Variants in CLCN4 observed in about 807,000 individuals in gnomAD.
The protein encoded by CLCN4 is Cl-/H+ antiporter 4, also known as H(+)/Cl(-) exchange transporter 4.
CLCN4 carries 1 observed loss-of-function variant against 41.7 expected under a neutral mutation model. The ratio of observed to expected loss-of-function variants is 0.02; its 90% CI spans 0.01 to 0.11. The LOEUF (loss-of-function observed/expected upper bound fraction) is 0.11, where lower values mean the gene tolerates loss of function less well. CLCN4 is among the 10% of genes least tolerant of loss of function. The probability of loss-of-function intolerance (pLI) is 1.00; values close to 1 mark genes in which losing one functional copy is unlikely to be tolerated. For synonymous variants in CLCN4, 277 were observed against 285.8 expected (o/e 0.97, Z 0.31); for missense variants, 287 against 661.0 (o/e 0.43, Z 6.20).
chrX:10,223,337 C>T lies in CLCN4; in HGVS notation c.2192+2460C>T, dbSNP rs995107875. On this transcript the variant is annotated intron_variant, in intron 12 of 12. Coordinates refer to ENST00000380833, the MANE Select transcript of CLCN4 (RefSeq NM_001830.4). ...GGCAGGAAACTCTGCCCTTAATGCC[C>T]GCTCACACCTCATAGAGCCCCATGA... 3.6e-4 allele frequency among the ~76,000 whole-genome samples: 40 copies of T among 111,979 alleles called. No individual in the cohort carries two copies. In the South Asian group the frequency reaches 4.9e-3, roughly 14 times the overall value.
chrX:10,181,354 G>GA (rs202148126), intron 2 of CLCN4, among the ~76,000 whole-genome samples: 14 of 82,923 alleles, frequency 1.7e-4, no homozygotes, highest in South Asian at 1.2e-3. Context: ...GTGAGACCCT[G>GA]AAAAAAAAAA....
intron 11 of CLCN4, among the ~76,000 whole-genome samples, 193 bp from the exon 12 acceptor site, chrX:10,220,468 C>T (rs1450536543): frequency 9.0e-6 from 1 of 111,692 alleles, no homozygotes; most frequent in Non-Finnish European, 1.9e-5. Flanking sequence ...AGCAGGGGAC[C>T]CTCACACAGC....
intron 11 of CLCN4, among the ~76,000 whole-genome samples, chrX:10,216,688 C>T (rs981350202): frequency 9.3e-6 from 1 of 107,065 alleles, no homozygotes; most frequent in Non-Finnish European, 1.9e-5. Context: ...ATTACTTTTG[C>T]ACCAACCTAA....
chrX:10,199,958 G>A (rs1314755288), intron 6 of CLCN4, among the ~76,000 whole-genome samples: 5 of 110,959 alleles, frequency 4.5e-5, no homozygotes, highest in African/African-American at 6.6e-5. Flanking sequence ...AAGTAGAGAC[G>A]GGGTTTCACC....
chrX:10,182,646 G>T (rs1483341932), intron 2 of CLCN4, among the ~76,000 whole-genome samples: 1 of 112,258 alleles, frequency 8.9e-6, no homozygotes, highest in African/African-American at 3.2e-5. Context: ...AGCTGGTCTT[G>T]AACTCCTGAC....
chrX:10,183,507 G>A (rs16985973), intron 2 of CLCN4, among the ~76,000 whole-genome samples: 171 of 112,416 alleles, frequency 1.5e-3, no homozygotes, highest in African/African-American at 5.2e-3. Context: ...CACTTTTGTG[G>A]TCCTCATCCT....
chrX:10,214,229 C>T (rs1221083247), intron 11 of CLCN4, 150 bp downstream of exon 11: 2 of 569,962 alleles, frequency 3.5e-6, no homozygotes, highest in East Asian at 7.8e-5. Flanking sequence ...GGGTCTGGCT[C>T]AAAAGCAGAT....
chrX:10,235,992 T>C lies in CLCN4; in HGVS notation c.*2408T>C, dbSNP rs1051835885. 1 of 112,700 alleles carries C rather than the reference T, an allele frequency of 8.9e-6. No homozygotes were observed. 9.3% of individuals were successfully genotyped at this position (112,700 alleles called of 1,213,427 possible). A position where few individuals can be genotyped will look rare whatever the true frequency, so the allele number is the denominator to read the frequency against. The stretch of plus-strand genomic sequence containing the variant: ...TCCTGGGCTTTAAATCCAAAAAGTC[T>C]TAATGACCGCTTCATGTAGTTCCCC... On this transcript the variant is annotated 3_prime_UTR_variant, in exon 13 of 13. Coordinates refer to ENST00000380833, the MANE Select transcript of CLCN4 (RefSeq NM_001830.4).
chrX:10,172,256 C>A (rs754707016), intron 2 of CLCN4, among the ~76,000 whole-genome samples: 1 of 112,099 alleles, frequency 8.9e-6, no homozygotes, highest in Non-Finnish European at 1.9e-5. Context: ...CCTTTTCCCT[C>A]GGGAGTCAGT....
intron 2 of CLCN4, among the ~76,000 whole-genome samples, chrX:10,180,410 A>T (rs1464028776): frequency 9.0e-6 from 1 of 111,321 alleles, no homozygotes; most frequent in African/African-American, 3.3e-5. Context: ...AAGGTGATAC[A>T]GCTTCTGCCG....
intron 12 of CLCN4, among the ~76,000 whole-genome samples, chrX:10,228,741 G>T (rs1925050628): frequency 8.9e-6 from 1 of 111,870 alleles, no homozygotes; most frequent in Non-Finnish European, 1.9e-5. Flanking sequence ...GTTATGAATT[G>T]TGGGGAGTTC....
chrX:10,169,893 A>G (rs1199157592), intron 2 of CLCN4, among the ~76,000 whole-genome samples: 3 of 105,882 alleles, frequency 2.8e-5, no homozygotes. Context: ...GATTCAAGCG[A>G]TTCTCCTGCC....
chrX:10,185,415 G>A (rs1419167058), intron 3 of CLCN4, among the ~76,000 whole-genome samples: 1 of 111,432 alleles, frequency 9.0e-6, no homozygotes, highest in Non-Finnish European at 1.9e-5. Flanking sequence ...GGACTTTGCA[G>A]GTGCCATTTC....
chrX:10,206,906 G>GTTTTGT lies in CLCN4; in HGVS notation c.843+153_843+158dup, dbSNP rs61318398. ...CCACAATTTCCACTGTTTTTTTTTT[G>GTTTTGT]TTTTGTTTTTGTTTTTGTTTTTGTT... On this transcript the variant is annotated intron_variant, in intron 8 of 12. Transcript: ENST00000380833. 0.28 allele frequency: 120,213 copies of GTTTTGT among 435,458 alleles called. 15,798 individuals carry two copies. Among genetic ancestry groups the GTTTTGT allele is most frequent in the East Asian group, 0.68 (16,294 of 23,824 alleles). The allele number at this position is 435,458 out of a possible 1,213,427, so 35.9% of individuals were successfully genotyped here.
chrX:10,216,916 T>TACACACAC lies in CLCN4; in HGVS notation c.1975+2838_1975+2839insCACACACA, dbSNP rs769661442. Among the ~76,000 whole-genome samples, 261 of 20,413 alleles carry TACACACAC rather than the reference T, an allele frequency of 0.013. 1 individual carries two copies. In the East Asian group the frequency reaches 0.29, roughly 22 times the overall value. 17.7% of individuals were successfully genotyped at this position (20,413 alleles called of 115,157 possible). A position where few individuals can be genotyped will look rare whatever the true frequency, so the allele number is the denominator to read the frequency against. On this transcript the variant is annotated intron_variant, in intron 11 of 12. Transcript: ENST00000380833. ...GTGTGTGTATATATATATATATATA[T>TACACACAC]ATACACACACACACATAGAGGGACT...
intron 9 of CLCN4, among the ~76,000 whole-genome samples, chrX:10,208,947 T>C (rs745505382): frequency 9.0e-6 from 1 of 111,682 alleles, no homozygotes; most frequent in Non-Finnish European, 1.9e-5. Context: ...GGCCAGGTGA[T>C]GCCAGGTGGT....
rs757413089 is a variant in CLCN4, at chrX:10,204,428, G to A, written c.556-1930G>A. 3.6e-5 allele frequency among the ~76,000 whole-genome samples: 4 copies of A among 111,158 alleles called. No homozygotes were observed. In the South Asian group the frequency reaches 1.5e-3, roughly 42 times the overall value. Reference sequence around the variant, plus strand: ...TTGAGCGTCTTCTTCATTTTCTACTGTTGTATTAAGAATATTTTCAAACAT... The same window carrying A: ...TTGAGCGTCTTCTTCATTTTCTACTATTGTATTAAGAATATTTTCAAACAT... On this transcript the variant is annotated intron_variant, in intron 6 of 12. Coordinates refer to ENST00000380833, the MANE Select transcript of CLCN4 (RefSeq NM_001830.4).
chrX:10,215,939 G>C (rs964485278), intron 11 of CLCN4, among the ~76,000 whole-genome samples: 4 of 112,181 alleles, frequency 3.6e-5, no homozygotes, highest in Non-Finnish European at 5.6e-5. Context: ...TTGTGCAGAG[G>C]GAAGGAGTGT....
In CLCN4 at chrX:10,185,081, C is replaced by T. The variant is rs1296149497; in HGVS notation, c.49C>T (p.Leu17Phe). The T allele has an allele frequency of 4.1e-6, 5 of 1,209,314 alleles. No homozygotes were observed. The South Asian group carries it at 8.8e-5, about 21-fold the overall frequency. ...MSGSGNLMDFLDEPFPDVGTY... is the reference protein window; with the variant it reads ...MSGSGNLMDFFDEPFPDVGTY... ...TGGCTCTGGAAACCTGATGGATTTC[C>T]TCGATGAGCCGTTCCCTGATGTGGG... The change falls in exon 3 of 13, where the codon CTC (leucine) becomes TTC (phenylalanine). Residue 17 changes from leucine to phenylalanine, a missense_variant. By Grantham distance (22) the Leu-to-Phe change is conservative (BLOSUM62 0). This residue lies in a region of CLCN4 where 90 missense variants were observed against 209.8 expected (regional missense o/e 0.43). Coordinates refer to ENST00000380833, the MANE Select transcript of CLCN4 (RefSeq NM_001830.4).
Sources: gnomAD v4.1 joint callset for allele counts (sites outside exome capture counted in the v4.1 genomes callset) on GRCh38, gnomAD v4.1.1 for gene constraint, gnomAD v4.1.1 regional missense constraint, MANE v1.5 for transcripts, NCBI Gene and HGNC (gene_info 2026-07-23, HGNC 2026-07-21) for gene names.